The following AMOTL1 variants were observed in gnomAD, a reference collection of about 807,000 sequenced individuals.
AMOTL1 encodes the protein angiomotin-like protein 1.
AMOTL1 carries 45 observed loss-of-function variants against 102.9 expected under a neutral mutation model. The ratio of observed to expected loss-of-function variants is 0.44; its 90% CI spans 0.34 to 0.56. The LOEUF (loss-of-function observed/expected upper bound fraction) is 0.56, where lower values mean the gene tolerates loss of function less well. Ranked by LOEUF, AMOTL1 falls within the 20% of genes least tolerant of loss-of-function variation. The pLI is 0.01. For missense variants in AMOTL1, 1,114 were observed against 1,225.6 expected (o/e 0.91, Z 1.36); for synonymous variants, 481 against 484.7 (o/e 0.99, Z 0.10).
rs117093731 is a variant in AMOTL1, at chr11:94,785,528, A to G, written c.50-9483A>G. On this transcript the variant is annotated intron_variant, in intron 1 of 12. Coordinates refer to ENST00000433060, the MANE Select transcript of AMOTL1 (RefSeq NM_130847.3). The stretch of plus-strand genomic sequence containing the variant: ...ACTCTTTATTACTTAAGGGATGTTT[A>G]GTTTCTTGGAGATATTGGTTGTTTA... Among the ~76,000 whole-genome samples the G allele has an allele frequency of 2.5e-3, 377 of 152,324 alleles. 5 individuals carry two copies. The East Asian group carries it at 0.043, about 17-fold the overall frequency.
At chr11:94,837,466 C>G (rs1034925731) in intron 6 of AMOTL1, among the ~76,000 whole-genome samples, 2 of 152,180 alleles carry the variant, frequency 1.3e-5, no homozygotes, top group Non-Finnish European at 2.9e-5. Context: ...GGGCCATGTT[C>G]CCAAAGAATG....
chr11:94,803,604 C>A (rs1394003790), intron 3 of AMOTL1, among the ~76,000 whole-genome samples: 1 of 152,134 alleles, frequency 6.6e-6, no homozygotes, highest in African/African-American at 2.4e-5. Flanking sequence ...ACTCCCAACC[C>A]CCCAAGCAAA....
intron 1 of AMOTL1, among the ~76,000 whole-genome samples, chr11:94,712,185 G>A (rs569513944): frequency 1.6e-4 from 25 of 152,034 alleles, no homozygotes; most frequent in Middle Eastern, 3.4e-3. Context: ...TTGTGTTTGC[G>A]TAATGGGCAA....
intron 2 of AMOTL1, among the ~76,000 whole-genome samples, chr11:94,795,690 A>G (rs1951354288): frequency 1.3e-5 from 2 of 152,250 alleles, no homozygotes; most frequent in South Asian, 2.1e-4. Context: ...AAATATGCTT[A>G]TAACTCATCT....
intron 1 of AMOTL1, among the ~76,000 whole-genome samples, chr11:94,769,021 T>C (rs1368580416): frequency 6.6e-6 from 1 of 152,050 alleles, no homozygotes; most frequent in African/African-American, 2.4e-5. Flanking sequence ...CGCTGTGGAC[T>C]GGACCCTTTC....
Position 94,795,159 on chromosome 11 carries a change from TG to T in AMOTL1, c.199+1del. ...CAACCAGTAGCATCAGGGAAAAAGT[TG>T]GTAAGTCCTTTTACCGGCACTTGTG... is the stretch of plus-strand genomic sequence containing the variant. ...EATSSIREKV[V>X]EDPLCNFHSP... On this transcript the variant is annotated frameshift_variant and splice_region_variant, in exon 2 of 13. Transcript: ENST00000433060. LOFTEE classifies it high-confidence loss of function. 1 of 1,613,630 alleles carries T rather than the reference TG, an allele frequency of 6.2e-7. No individual in the cohort carries two copies. The highest frequency in any genetic ancestry group is 8.5e-7 in the Non-Finnish European group (1 of 1,179,790).
intron 2 of AMOTL1, among the ~76,000 whole-genome samples, chr11:94,733,075 C>T (rs117599108): frequency 1.3e-5 from 2 of 152,344 alleles, no homozygotes; most frequent in East Asian, 3.9e-4. Context: ...AGTCTTATCT[C>T]CATTTTGCAG....
At chr11:94,833,967 C>T (rs138209680) in intron 6 of AMOTL1, among the ~76,000 whole-genome samples, 2 of 152,242 alleles carry the variant, frequency 1.3e-5, no homozygotes, top group East Asian at 3.9e-4. Context: ...TGAACATGTT[C>T]GTCATCTCAC....
At chr11:94,802,831 T>C (rs1397587670) in intron 3 of AMOTL1, among the ~76,000 whole-genome samples, 1 of 152,218 alleles carries the variant, frequency 6.6e-6, no homozygotes, top group East Asian at 1.9e-4. Flanking sequence ...TGGCCTGAAC[T>C]CGAAGGATTG....
At chr11:94,729,698 G>A (rs1190534261) in intron 2 of AMOTL1, among the ~76,000 whole-genome samples, 1 of 152,160 alleles carries the variant, frequency 6.6e-6, no homozygotes, top group Non-Finnish European at 1.5e-5. Flanking sequence ...GATGGTAGGA[G>A]CCATTCTATA....
chr11:94,746,157 A>C (rs966710124), intron 3 of AMOTL1, among the ~76,000 whole-genome samples: 1 of 152,224 alleles, frequency 6.6e-6, no homozygotes, highest in Admixed American at 6.5e-5. Flanking sequence ...TTTAAAAGGC[A>C]GTAGAGAAAG....
chr11:94,714,766 C>T (rs1396630640), intron 1 of AMOTL1, among the ~76,000 whole-genome samples: 1 of 152,014 alleles, frequency 6.6e-6, no homozygotes, highest in African/African-American at 2.4e-5. Context: ...TTGATCTTTA[C>T]CAGTCTAGCT....
At chr11:94,753,051 C>A (rs1950676168) in intron 3 of AMOTL1, among the ~76,000 whole-genome samples, 1 of 152,166 alleles carries the variant, frequency 6.6e-6, no homozygotes, top group Non-Finnish European at 1.5e-5. Context: ...CATTTTCCCT[C>A]AAATTCAAAC....
At chr11:94,788,548 A>G (rs887817448) in intron 1 of AMOTL1, among the ~76,000 whole-genome samples, 1 of 152,192 alleles carries the variant, frequency 6.6e-6, no homozygotes, top group Non-Finnish European at 1.5e-5. Flanking sequence ...CTGAAGCTCT[A>G]TGTCCCTTCC....
intron 2 of AMOTL1, among the ~76,000 whole-genome samples, chr11:94,737,779 T>G (rs993750488): frequency 6.6e-6 from 1 of 152,196 alleles, no homozygotes; most frequent in African/African-American, 2.4e-5. Context: ...GGACTGATAA[T>G]TGGAATTGGC....
chr11:94,783,510 A>G (rs1200701270), intron 1 of AMOTL1, among the ~76,000 whole-genome samples: 2 of 152,170 alleles, frequency 1.3e-5, no homozygotes, highest in African/African-American at 4.8e-5. Flanking sequence ...AACCTTCTAG[A>G]CCTAGGGAGA....
intron 1 of AMOTL1, among the ~76,000 whole-genome samples, chr11:94,710,803 C>G (rs571847890): frequency 6.6e-6 from 1 of 152,324 alleles, no homozygotes; most frequent in Non-Finnish European, 1.5e-5. Context: ...AAAACAACCT[C>G]TGCATCCCAT....
In AMOTL1 at chr11:94,800,140, C is replaced by A. The variant is rs764521135; in HGVS notation, c.950C>A (p.Thr317Asn). The A allele has an allele frequency of 6.2e-7, 1 of 1,613,940 alleles. No individual in the cohort carries two copies. The highest frequency in any genetic ancestry group is 8.5e-7 in the Non-Finnish European group (1 of 1,179,888). The change falls in exon 3 of 13, where the codon ACC (threonine) becomes AAC (asparagine). Residue 317 changes from threonine to asparagine, a missense_variant. Physicochemically the swap from Thr to Asn is moderately conservative, Grantham distance 65. Transcript: ENST00000433060. ...RGPPPEYPFKTKQMMSPVSKT... is the reference protein window; with the variant it reads ...RGPPPEYPFKNKQMMSPVSKT... ...CCTCCACCTGAGTACCCCTTCAAGA[C>A]CAAGCAAATGATGTCCCCAGTCAGC... is the stretch of plus-strand genomic sequence containing the variant.
intron 2 of AMOTL1, among the ~76,000 whole-genome samples, chr11:94,797,885 A>G (rs1475267573): frequency 1.3e-5 from 2 of 152,226 alleles, no homozygotes; most frequent in African/African-American, 2.4e-5. Flanking sequence ...TATCAGTTTC[A>G]TCCTGTAATT....
Sources: gnomAD v4.1 joint callset for allele counts (sites outside exome capture counted in the v4.1 genomes callset) on GRCh38, gnomAD v4.1.1 for gene constraint, MANE v1.5 for transcripts, NCBI Gene and HGNC (gene_info 2026-07-23, HGNC 2026-07-21) for gene names.